Variants in PLK4 observed in about 807,000 individuals in gnomAD.
PLK4 encodes serine/threonine-protein kinase PLK4.
PLK4 carries 51 observed loss-of-function variants against 103.0 expected under a neutral mutation model. The observed-to-expected ratio is 0.50, with a 90% confidence interval of 0.40 to 0.63. The LOEUF is 0.63. Ranked by LOEUF, PLK4 falls within the 20% of genes least tolerant of loss-of-function variation. The pLI, the probability that PLK4 is intolerant of heterozygous loss-of-function variation, is 0.00. For missense variants in PLK4, 1,054 were observed against 1,151.0 expected (o/e 0.92, Z 1.22); for synonymous variants, 389 against 376.8 (o/e 1.03, Z -0.38).
At chr4:127,893,158 A>G (rs991531950) in intron 10 of PLK4, 127 bp from the exon 11 acceptor site, 2 of 512,928 alleles carry the variant, frequency 3.9e-6, no homozygotes, top group Non-Finnish European at 6.7e-6. Context: ...TTTTATTAAT[A>G]GTCAATAAAT....
At chr4:127,891,531 TG>T in intron 8 of PLK4, 47 bp from the exon 9 acceptor site, 1 of 742,606 alleles carries the variant, frequency 1.3e-6, no homozygotes, top group Non-Finnish European at 2.3e-6. Context: ...GATATAGTAC[TG>T]GAACTTAATG....
chr4:127,889,230 T>C (rs113298538), intron 6 of PLK4, among the ~76,000 whole-genome samples: 25 of 152,324 alleles, frequency 1.6e-4, no homozygotes, highest in African/African-American at 5.5e-4. Flanking sequence ...CCAAGTTTTA[T>C]ATAATCTGAT....
At chr4:127,890,575 T>C (rs1735318705) in intron 7 of PLK4, among the ~76,000 whole-genome samples, 1 of 152,196 alleles carries the variant, frequency 6.6e-6, no homozygotes, top group Admixed American at 6.5e-5. Context: ...TATCCTTTGC[T>C]TCTATTTTTA....
In PLK4 at chr4:127,889,859, A is replaced by AATT; in HGVS notation, c.1460-7_1460-6insATT. On this transcript the variant is annotated splice_polypyrimidine_tract_variant and splice_region_variant and intron_variant, in intron 6 of 15. Transcript: ENST00000270861. ...TACTAAATTGCTTCATTCTATGTAT[A>AATT]TTGTAGCTCATTTAAGAAAAACTAC... is the stretch of plus-strand genomic sequence containing the variant. The AATT allele has an allele frequency of 6.4e-7, 1 of 1,573,152 alleles. No homozygotes were observed.
intron 6 of PLK4, among the ~76,000 whole-genome samples, chr4:127,887,871 CAA>C (rs34675793): frequency 8.2e-4 from 33 of 40,378 alleles, no homozygotes; most frequent in South Asian, 2.9e-3. Flanking sequence ...GAGACCCTGT[CAA>C]AAAAAAAAAA....
intron 4 of PLK4, among the ~76,000 whole-genome samples, chr4:127,884,516 T>G (rs949907206): frequency 2.0e-5 from 3 of 152,210 alleles, no homozygotes; most frequent in Non-Finnish European, 4.4e-5. Flanking sequence ...AAAAAAGGCC[T>G]TATTAGGCTG....
At chr4:127,887,374 A>G (rs753726503) in intron 5 of PLK4, 22 bp from the exon 6 acceptor site, 2 of 1,421,264 alleles carry the variant, frequency 1.4e-6, no homozygotes, top group South Asian at 2.5e-5. Context: ...AGTTTATGGG[A>G]TTTTTTTGTT....
Position 127,883,367 on chromosome 4 carries a change from A to C in PLK4, c.222+10A>C. On this transcript the variant is annotated intron_variant, in intron 3 of 15. Transcript: ENST00000270861. ...TCCTTCTATCTTGGAGGTAAGATAT[A>C]AATTTTGTAGAAGTGACCAAGGACA... 6.5e-7 allele frequency: 1 copy of C among 1,540,946 alleles called. No individual in the cohort carries two copies. Among genetic ancestry groups the C allele is most frequent in the Non-Finnish European group, 9.0e-7 (1 of 1,116,976 alleles).
Position 127,887,261 on chromosome 4 carries a change from A to G in PLK4, c.1359-135A>G, listed in dbSNP as rs141292387. On this transcript the variant is annotated intron_variant, in intron 5 of 15. Transcript: ENST00000270861. ...TTTTTAAAGATAGCATAGTTATGCC[A>G]ATATTGTTTTCTATAGTTATTCTAA... 3.1e-4 allele frequency: 185 copies of G among 602,932 alleles called. 2 individuals are homozygous for G. The highest frequency in any genetic ancestry group is 3.0e-3 in the African/African-American group (162 of 53,174). 37.3% of individuals were successfully genotyped at this position (602,932 alleles called of 1,614,324 possible).
At chr4:127,890,442 G>C (rs1735313262) in intron 7 of PLK4, among the ~76,000 whole-genome samples, 1 of 152,036 alleles carries the variant, frequency 6.6e-6, no homozygotes, top group Non-Finnish European at 1.5e-5. Context: ...CATGATACTG[G>C]TAAGTTTTGA....
intron 13 of PLK4, among the ~76,000 whole-genome samples, chr4:127,894,225 T>C (rs1449293860): frequency 1.3e-5 from 2 of 152,120 alleles, no homozygotes; most frequent in African/African-American, 4.8e-5. Flanking sequence ...TATTAACATA[T>C]ACATATGTAG....
chr4:127,882,396 G>A (rs1469817444), intron 2 of PLK4, among the ~76,000 whole-genome samples: 9 of 152,152 alleles, frequency 5.9e-5, no homozygotes, highest in Non-Finnish European at 1.2e-4. Flanking sequence ...GAGGCAGGTG[G>A]ATCACCTGAG....
At chr4:127,889,349 G>A (rs1024752258) in intron 6 of PLK4, among the ~76,000 whole-genome samples, 2 of 152,100 alleles carry the variant, frequency 1.3e-5, no homozygotes, top group African/African-American at 4.8e-5. Flanking sequence ...GCAAGTACAT[G>A]TGTAATATTA....
rs530079860 is a variant in PLK4, at chr4:127,886,805, G to C, written c.1358+77G>C. On this transcript the variant is annotated intron_variant, in intron 5 of 15. Coordinates refer to ENST00000270861, the MANE Select transcript of PLK4 (RefSeq NM_014264.5). The stretch of plus-strand genomic sequence containing the variant: ...TATAAATATGAAGCTGCATGTAAGC[G>C]GGGGGATACCAGGGAAATGAATGTC... 1.5e-5 allele frequency: 12 copies of C among 825,942 alleles called. No homozygotes were observed. The African/African-American group carries it at 1.7e-4, about 12-fold the overall frequency. 51.2% of individuals were successfully genotyped at this position (825,942 alleles called of 1,614,324 possible).
chr4:127,884,563 G>C (rs768110727), intron 4 of PLK4, among the ~76,000 whole-genome samples: 4 of 152,176 alleles, frequency 2.6e-5, no homozygotes, highest in Admixed American at 6.5e-5. Context: ...CAGCACCTTG[G>C]GGGGCTGAGG....
At chr4:127,895,529 C>G (rs1197216523) in intron 14 of PLK4, among the ~76,000 whole-genome samples, 1 of 121,428 alleles carries the variant, frequency 8.2e-6, no homozygotes, top group Non-Finnish European at 1.6e-5. Flanking sequence ...TGACACCATT[C>G]TCCTGCCTCA....
intron 15 of PLK4, among the ~76,000 whole-genome samples, chr4:127,897,207 C>G (rs1407449390): frequency 6.6e-6 from 1 of 152,052 alleles, no homozygotes; most frequent in Non-Finnish European, 1.5e-5. Flanking sequence ...ACTCCTAATT[C>G]TAGGTTCAAA....
Position 127,883,362 on chromosome 4 carries a change from G to C in PLK4, c.222+5G>C. 6.4e-7 allele frequency: 1 copy of C among 1,555,608 alleles called. No homozygotes were observed. The highest frequency in any genetic ancestry group is 8.8e-7 in the Non-Finnish European group (1 of 1,130,338). On this transcript the variant is annotated splice_donor_5th_base_variant and intron_variant, in intron 3 of 15. Coordinates refer to ENST00000270861, the MANE Select transcript of PLK4 (RefSeq NM_014264.5). Reference sequence around the variant, plus strand: ...AAACATCCTTCTATCTTGGAGGTAAGATATAAATTTTGTAGAAGTGACCAA... The same window carrying C: ...AAACATCCTTCTATCTTGGAGGTAACATATAAATTTTGTAGAAGTGACCAA...
intron 2 of PLK4, among the ~76,000 whole-genome samples, chr4:127,882,918 T>TA (rs571210855): frequency 1.2e-3 from 174 of 146,570 alleles, no homozygotes; most frequent in South Asian, 6.5e-3. Flanking sequence ...ACCCTGCCTT[T>TA]AAAAAAAAAA....
Sources: allele counts gnomAD v4.1 joint callset (sites outside exome capture counted in the v4.1 genomes callset), GRCh38; gene constraint gnomAD v4.1.1; transcripts MANE v1.5; gene names NCBI Gene and HGNC (gene_info 2026-07-23, HGNC 2026-07-21).